CDH23: variants seen among roughly 807,000 people sequenced by gnomAD.
The protein encoded by CDH23 is cadherin-23.
A neutral mutation model predicts 317.1 loss-of-function variants in CDH23; 189 were observed. The ratio of observed to expected loss-of-function variants is 0.60; its 90% CI spans 0.53 to 0.67. The LOEUF is 0.67. Among genes scored for constraint, CDH23 ranks in the 30% least tolerant of loss-of-function variants. CDH23 has a pLI of 0.00. For synonymous variants in CDH23, 1,839 were observed against 1,876.8 expected (o/e 0.98, Z 0.52); for missense variants, 4,401 against 4,592.4 (o/e 0.96, Z 1.20).
Position 71,800,724 on chromosome 10 carries a change from T to C in CDH23, c.7451T>C (p.Val2484Ala), listed in dbSNP as rs1841534379. 1 of 1,613,928 alleles carries C rather than the reference T, an allele frequency of 6.2e-7. No individual in the cohort carries two copies. Among genetic ancestry groups the C allele is most frequent in the Non-Finnish European group, 8.5e-7 (1 of 1,179,864 alleles). Residue 2484 changes from valine to alanine, a missense_variant, in exon 53 of 70, where the codon GTA becomes GCA. Physicochemically the swap from Val to Ala is moderately conservative, Grantham distance 64 (BLOSUM62 0). This residue lies in a region of CDH23 where 189 missense variants were observed against 250.9 expected (regional missense o/e 0.75). Transcript: ENST00000224721. Reference protein sequence around the residue: ...TALAKDNPGDVASNRRENSVQ... With the variant: ...TALAKDNPGDAASNRRENSVQ... ...TTGGCCAAAGACAACCCTGGGGATG[T>C]AGCCAGCAACCGTCGCGAAAATTCA...
chr10:71,641,209 C>G (rs1402860246), intron 11 of CDH23, among the ~76,000 whole-genome samples: 2 of 152,214 alleles, frequency 1.3e-5, no homozygotes, highest in African/African-American at 2.4e-5. Flanking sequence ...CAGTGTGGTT[C>G]CCTGGGGAGC....
At chr10:71,482,483 A>G (rs1355155442) in intron 3 of CDH23, among the ~76,000 whole-genome samples, 1 of 152,204 alleles carries the variant, frequency 6.6e-6, no homozygotes, top group African/African-American at 2.4e-5. Context: ...ACCCTTGGGA[A>G]GCCTCCTGTT....
intron 6 of CDH23, among the ~76,000 whole-genome samples, chr10:71,539,699 C>A (rs907499687): frequency 1.8e-4 from 27 of 151,460 alleles, no homozygotes; most frequent in Non-Finnish European, 7.4e-5. Flanking sequence ...TACTTCTTTG[C>A]TCCCTTCTCT....
intron 6 of CDH23, among the ~76,000 whole-genome samples, chr10:71,538,244 C>T (rs191235506): frequency 6.6e-6 from 1 of 152,320 alleles, no homozygotes; most frequent in East Asian, 1.9e-4. Flanking sequence ...AAGCTGAGAA[C>T]TTCTCACAGT....
intron 1 of CDH23, among the ~76,000 whole-genome samples, chr10:71,409,456 G>A (rs1848253810): frequency 6.6e-6 from 1 of 152,152 alleles, no homozygotes; most frequent in African/African-American, 2.4e-5. Context: ...TTGTTATGTG[G>A]TATGTTGGGT....
At chr10:71,630,732 G>T (rs992248302) in intron 11 of CDH23, among the ~76,000 whole-genome samples, 3 of 152,202 alleles carry the variant, frequency 2.0e-5, no homozygotes, top group Non-Finnish European at 4.4e-5. Context: ...AGCAGCTCCA[G>T]GGCCTCGGTG....
intron 9 of CDH23, among the ~76,000 whole-genome samples, chr10:71,600,951 T>G (rs1225571274): frequency 6.6e-6 from 1 of 152,204 alleles, no homozygotes; most frequent in African/African-American, 2.4e-5. Context: ...CTCATAAATA[T>G]GATGACTCTG....
chr10:71,771,090 A>G (rs530839082), intron 38 of CDH23, among the ~76,000 whole-genome samples: 1 of 152,250 alleles, frequency 6.6e-6, no homozygotes, highest in East Asian at 1.9e-4. Flanking sequence ...GTGCACTTAA[A>G]TGTGCTAGTC....
chr10:71,760,773 G>A, intron 38 of CDH23: 1 of 1,181,044 alleles, frequency 8.5e-7, no homozygotes, highest in Non-Finnish European at 1.3e-6. Flanking sequence ...TGAGGGCTTG[G>A]GGTGATGAGG....
At chr10:71,690,310 G>A (rs893938335) in intron 19 of CDH23, among the ~76,000 whole-genome samples, 158 bp from the exon 20 acceptor site, 7 of 152,146 alleles carry the variant, frequency 4.6e-5, no homozygotes, top group Admixed American at 6.5e-5. Context: ...CAGGGATGTC[G>A]CAACAGGCAG....
chr10:71,510,933 CCT>C lies in CDH23; in HGVS notation c.289-15_289-14del. On this transcript the variant is annotated intron_variant, in intron 4 of 69. Coordinates refer to ENST00000224721, the MANE Select transcript of CDH23 (RefSeq NM_022124.6). The stretch of plus-strand genomic sequence containing the variant: ...TCAGCACCGCCTAACTGCCCCCCTC[CCT>C]CTCTCACTTTTCTTTCAGACCAAGT... The C allele has an allele frequency of 1.2e-6, 2 of 1,613,824 alleles. No homozygotes were observed. Among genetic ancestry groups the C allele is most frequent in the South Asian group, 1.1e-5 (1 of 91,074 alleles).
intron 3 of CDH23, among the ~76,000 whole-genome samples, chr10:71,496,608 C>A (rs1310162018): frequency 6.6e-6 from 1 of 152,252 alleles, no homozygotes; most frequent in East Asian, 1.9e-4. Context: ...AAAGCTCCAG[C>A]TGATTCCAGT....
intron 1 of CDH23, among the ~76,000 whole-genome samples, chr10:71,407,643 T>C (rs374713910): frequency 2.0e-5 from 3 of 152,162 alleles, no homozygotes; most frequent in South Asian, 2.1e-4. Context: ...AGCTCTTGGG[T>C]ATTTCTGGCC....
intron 3 of CDH23, among the ~76,000 whole-genome samples, chr10:71,473,696 G>T (rs1429174631): frequency 1.3e-5 from 2 of 152,226 alleles, no homozygotes; most frequent in African/African-American, 4.8e-5. Context: ...TTGCTACACT[G>T]CCTGGGGCAC....
In CDH23 at chr10:71,812,443, T is replaced by C. The variant is rs760301661; in HGVS notation, c.9381-37T>C. 3.9e-6 allele frequency: 6 copies of C among 1,538,060 alleles called. No homozygotes were observed. The South Asian group carries it at 5.6e-5, about 14-fold the overall frequency. ...GAAGGGCACCTGTCTACTCGAGCCT[T>C]CCCTCCCTCCCCACCCTTTTCCCTC... is the stretch of plus-strand genomic sequence containing the variant. On this transcript the variant is annotated intron_variant, in intron 66 of 69. Coordinates refer to ENST00000224721, the MANE Select transcript of CDH23 (RefSeq NM_022124.6).
chr10:71,782,006 A>G (rs1840969711), intron 41 of CDH23, among the ~76,000 whole-genome samples: 1 of 152,218 alleles, frequency 6.6e-6, no homozygotes, highest in Admixed American at 6.5e-5. Context: ...CTGGTTTCAC[A>G]GTGCACCACT....
At chr10:71,647,121 C>G (rs1862932785) in intron 14 of CDH23, 2 of 976,516 alleles carry the variant, frequency 2.0e-6, no homozygotes, top group East Asian at 2.3e-4. Flanking sequence ...GACAGAAACC[C>G]TTAAGTAGTT....
chr10:71,535,183 C>T (rs1305516610), intron 6 of CDH23, among the ~76,000 whole-genome samples: 1 of 152,234 alleles, frequency 6.6e-6, no homozygotes, highest in Non-Finnish European at 1.5e-5. Flanking sequence ...GAAGGAAGGG[C>T]AGACTGGTTG....
At chr10:71,516,561 C>A (rs964333904) in intron 6 of CDH23, among the ~76,000 whole-genome samples, 1 of 152,224 alleles carries the variant, frequency 6.6e-6, no homozygotes, top group East Asian at 1.9e-4. Context: ...TAATTTATTT[C>A]TATGGTGACA....
Sources: allele counts gnomAD v4.1 joint callset (sites outside exome capture counted in the v4.1 genomes callset), GRCh38; gene constraint gnomAD v4.1.1; regional missense constraint gnomAD v4.1.1; transcripts MANE v1.5; gene names NCBI Gene and HGNC (gene_info 2026-07-23, HGNC 2026-07-21).